THSD7B: variants seen among roughly 807,000 people sequenced by gnomAD.
THSD7B encodes thrombospondin type 1 domain containing 7B, also known as thrombospondin type-1 domain-containing protein 7B.
Under a neutral mutation model 213.6 loss-of-function variants are expected in THSD7B, and 138 were observed. That is an observed-to-expected ratio of 0.65 (90% CI 0.56 to 0.74). The LOEUF is 0.74. Ranked by LOEUF, THSD7B falls within the 30% of genes least tolerant of loss-of-function variation. THSD7B has a pLI of 0.00. For missense variants in THSD7B, 1,931 were observed against 1,991.5 expected, an observed-to-expected ratio of 0.97 and a Z score of 0.58; for synonymous variants, 742 against 687.0, an observed-to-expected ratio of 1.08 and a Z score of -1.25.
intron 5 of THSD7B, among the ~76,000 whole-genome samples, chr2:137,145,718 A>G (rs1679683136): frequency 6.6e-6 from 1 of 152,084 alleles, no homozygotes; most frequent in African/African-American, 2.4e-5. Flanking sequence ...TGCTAAAAAA[A>G]AGATTGCTGC....
intron 2 of THSD7B, among the ~76,000 whole-genome samples, chr2:136,916,748 A>G (rs1287035449): frequency 1.3e-5 from 2 of 152,174 alleles, no homozygotes; most frequent in Non-Finnish European, 2.9e-5. Flanking sequence ...ATCAGTGTGA[A>G]GACTAAGTTG....
chr2:137,667,481 T>C (rs1558877225), intron 26 of THSD7B, among the ~76,000 whole-genome samples: 1 of 152,208 alleles, frequency 6.6e-6, no homozygotes, highest in Non-Finnish European at 1.5e-5. Flanking sequence ...TTAAAAATGG[T>C]ACCATGTAAT....
intron 1 of THSD7B, among the ~76,000 whole-genome samples, chr2:136,766,054 G>C (rs1450724710): frequency 6.6e-6 from 1 of 152,202 alleles, no homozygotes; most frequent in Admixed American, 6.5e-5. Context: ...CTTGGTTTGA[G>C]GGATACTGAT....
intron 14 of THSD7B, among the ~76,000 whole-genome samples, chr2:137,430,209 T>C (rs749895376): frequency 1.3e-5 from 2 of 152,142 alleles, no homozygotes; most frequent in African/African-American, 4.8e-5. Flanking sequence ...ATCATATCAC[T>C]ACCCTCTAAG....
chr2:136,968,516 C>G (rs1685355100), intron 2 of THSD7B, among the ~76,000 whole-genome samples: 1 of 151,976 alleles, frequency 6.6e-6, no homozygotes, highest in South Asian at 2.1e-4. Context: ...GGGATGACTG[C>G]TGCACTGGTT....
intron 12 of THSD7B, among the ~76,000 whole-genome samples, chr2:137,328,290 A>T (rs1477049460): frequency 1.3e-5 from 2 of 152,160 alleles, no homozygotes; most frequent in Non-Finnish European, 2.9e-5. Flanking sequence ...ACAACAACAA[A>T]CACATTTATG....
intron 7 of THSD7B, among the ~76,000 whole-genome samples, chr2:137,200,827 G>A (rs1044706195): frequency 6.7e-6 from 1 of 149,596 alleles, no homozygotes; most frequent in Non-Finnish European, 1.5e-5. Flanking sequence ...CATGCTGCAT[G>A]CCTGGCTAAT....
intron 16 of THSD7B, among the ~76,000 whole-genome samples, chr2:137,567,728 T>G (rs1302364955): frequency 1.3e-5 from 2 of 152,154 alleles, no homozygotes; most frequent in Non-Finnish European, 2.9e-5. Context: ...AATGGCATAA[T>G]TTTTTGAGTT....
rs1220919154 is a variant in THSD7B at position 137,279,846 on chromosome 2, G to T, written c.2500+3820G>T. Among the ~76,000 whole-genome samples the T allele has an allele frequency of 3.3e-5, 5 of 152,226 alleles. No individual in the cohort carries two copies. In the East Asian group the frequency reaches 9.7e-4, roughly 29 times the overall value. ...GCACATATGACTTTATTTGCAAAAA[G>T]GATCTTTGTAGATGTAATTAATTTA... On this transcript the variant is annotated intron_variant, in intron 12 of 27. Transcript: ENST00000409968.
chr2:137,049,815 A>C (rs902562054), intron 2 of THSD7B, among the ~76,000 whole-genome samples: 3 of 152,194 alleles, frequency 2.0e-5, no homozygotes, highest in Non-Finnish European at 4.4e-5. Flanking sequence ...TTACATTATA[A>C]ACTTGTATAA....
At chr2:136,834,037 C>T (rs983195071) in intron 1 of THSD7B, among the ~76,000 whole-genome samples, 26 of 152,182 alleles carry the variant, frequency 1.7e-4, no homozygotes, top group Admixed American at 1.2e-3. Context: ...AAGTTGTTCC[C>T]GTGACTAATA....
intron 10 of THSD7B, among the ~76,000 whole-genome samples, chr2:137,250,765 T>A (rs1345589433): frequency 6.6e-6 from 1 of 152,160 alleles, no homozygotes; most frequent in Non-Finnish European, 1.5e-5. Context: ...AGTCACAAAG[T>A]GTGCTATGAA....
intron 1 of THSD7B, among the ~76,000 whole-genome samples, chr2:136,840,557 C>T (rs1014957683): frequency 1.3e-5 from 2 of 152,036 alleles, no homozygotes; most frequent in African/African-American, 2.4e-5. Context: ...TCTAAAATCA[C>T]CTCTGTGTTT....
chr2:136,885,874 A>G (rs10183862), intron 2 of THSD7B, among the ~76,000 whole-genome samples: 138,830 of 152,188 alleles, frequency 0.91, 63,547 homozygotes, highest in East Asian at 1. Context: ...AAGAAGGAAA[A>G]ATGAGGCCAG....
intron 15 of THSD7B, among the ~76,000 whole-genome samples, chr2:137,453,631 A>T (rs1296930449): frequency 6.6e-6 from 1 of 152,032 alleles, no homozygotes; most frequent in Non-Finnish European, 1.5e-5. Context: ...ACCTGGCTTG[A>T]AATTTACTTT....
At chr2:136,794,102 T>C (rs1212549869) in intron 1 of THSD7B, among the ~76,000 whole-genome samples, 2 of 148,640 alleles carry the variant, frequency 1.3e-5, no homozygotes, top group Non-Finnish European at 3.0e-5. Flanking sequence ...TGTGCTTTGT[T>C]TTTTTTTTCT....
chr2:137,001,779 AT>A (rs1447761625), intron 2 of THSD7B, among the ~76,000 whole-genome samples: 1 of 151,942 alleles, frequency 6.6e-6, no homozygotes, highest in Non-Finnish European at 1.5e-5. Context: ...CTACTCATTC[AT>A]TTTCTCACAA....
At chr2:137,278,657 G>A (rs1423294117) in intron 12 of THSD7B, among the ~76,000 whole-genome samples, 1 of 152,080 alleles carries the variant, frequency 6.6e-6, no homozygotes. Context: ...GCTGTTCACA[G>A]GCCTCGAGCT....
intron 15 of THSD7B, among the ~76,000 whole-genome samples, chr2:137,487,394 A>AT (rs1409717936): frequency 1.4e-5 from 2 of 141,298 alleles, no homozygotes; most frequent in South Asian, 2.1e-4. Context: ...AAAAAAAAAA[A>AT]AAAAAGAACT....
Sources: gnomAD v4.1 joint callset for allele counts (sites outside exome capture counted in the v4.1 genomes callset) on GRCh38, gnomAD v4.1.1 for gene constraint, MANE v1.5 for transcripts, NCBI Gene and HGNC (gene_info 2026-07-23, HGNC 2026-07-21) for gene names.